Variants in TULP3 observed in about 807,000 individuals in gnomAD.
The protein encoded by TULP3 is TUB like protein 3.
In TULP3, 38 loss-of-function variants were observed where a neutral mutation model predicts 50.7. The observed-to-expected ratio is 0.75, with a 90% CI of 0.58 to 0.98. TULP3 has a LOEUF of 0.98. Ranked by LOEUF, TULP3 falls within the 50% of genes least tolerant of loss-of-function variation. TULP3 has a pLI of 0.00. For missense variants in TULP3, 550 were observed against 568.0 expected, an observed-to-expected ratio of 0.97 and a Z score of 0.32; for synonymous variants, 183 against 196.6, an observed-to-expected ratio of 0.93 and a Z score of 0.58.
intron 4 of TULP3, among the ~76,000 whole-genome samples, chr12:2,928,308 A>G (rs2153950045): frequency 6.6e-6 from 1 of 152,298 alleles, no homozygotes; most frequent in African/African-American, 2.4e-5. Flanking sequence ...AGGCGGACAG[A>G]TCACCTGAGG....
intron 1 of TULP3, among the ~76,000 whole-genome samples, chr12:2,899,302 G>A (rs1425856880): frequency 1.5e-5 from 2 of 132,130 alleles, no homozygotes; most frequent in African/African-American, 6.0e-5. Context: ...CTGAGATCAC[G>A]CCATTGCAAT....
chr12:2,933,463 A>G lies in TULP3; in HGVS notation c.742A>G (p.Asn248Asp). 1.2e-6 allele frequency: 2 copies of G among 1,614,050 alleles called. No individual in the cohort carries two copies. Among genetic ancestry groups the G allele is most frequent in the Non-Finnish European group, 1.7e-6 (2 of 1,179,980 alleles). Residue 248 changes from asparagine to aspartate, a missense_variant, in exon 7 of 11, where the codon AAC becomes GAC. By Grantham distance (23) the Asn-to-Asp change is conservative. Coordinates refer to ENST00000448120, the MANE Select transcript of TULP3 (RefSeq NM_003324.5). ...ARKRKKSKTANYLISIDPVDL... is the reference protein window; with the variant it reads ...ARKRKKSKTADYLISIDPVDL... ...AAAGCGGAAAAAGAGCAAAACAGCC[A>G]ACTACCTTATCTCCATTGATCCAGT...
At chr12:2,914,497 A>G (rs547289726) in intron 2 of TULP3, among the ~76,000 whole-genome samples, 12 of 152,310 alleles carry the variant, frequency 7.9e-5, no homozygotes, top group South Asian at 2.1e-4. Context: ...GTCTAACTGT[A>G]TGTTTGAATT....
intron 4 of TULP3, 69 bp from the exon 5 acceptor site, chr12:2,930,179 A>G: frequency 9.2e-7 from 1 of 1,084,590 alleles, no homozygotes; most frequent in East Asian, 2.6e-5. Flanking sequence ...GAAAATTAAA[A>G]CTATCTTTGT....
chr12:2,901,623 T>C (rs2098179351), intron 1 of TULP3, among the ~76,000 whole-genome samples: 1 of 152,032 alleles, frequency 6.6e-6, no homozygotes, highest in Non-Finnish European at 1.5e-5. Flanking sequence ...CCTCAAGTCA[T>C]ATGCCCGTCT....
chr12:2,905,241 A>G (rs573869876), intron 1 of TULP3, among the ~76,000 whole-genome samples: 1 of 145,206 alleles, frequency 6.9e-6, no homozygotes, highest in South Asian at 2.2e-4. Flanking sequence ...GCTGGAGTGC[A>G]GTGGCGTGAT....
intron 6 of TULP3, 47 bp from the exon 7 acceptor site, chr12:2,933,371 C>T (rs2098199298): frequency 8.3e-7 from 1 of 1,200,596 alleles, no homozygotes; most frequent in African/African-American, 1.5e-5. Context: ...AGAGGTGGGG[C>T]AGGTTCTCTG....
At chr12:2,895,258 C>T (rs2098174829) in intron 1 of TULP3, among the ~76,000 whole-genome samples, 2 of 152,192 alleles carry the variant, frequency 1.3e-5, no homozygotes, top group African/African-American at 4.8e-5. Flanking sequence ...TCCCTCTCCC[C>T]AGGCAGTTCT....
rs77805734 is a variant in TULP3 at position 2,930,428 on chromosome 12, A to G, written c.492+83A>G. 2,883 of 951,052 alleles carry G rather than the reference A, an allele frequency of 3.0e-3. 12 individuals carry two copies. Among genetic ancestry groups the G allele is most frequent in the Non-Finnish European group, 4.1e-3 (2,709 of 659,284 alleles). The allele number at this position is 951,052 out of a possible 1,614,324, so 58.9% of individuals were successfully genotyped here. On this transcript the variant is annotated intron_variant, in intron 5 of 10. Transcript: ENST00000448120. ...CTTCAGTATTTATTTATTTATTATT[A>G]TTATGTATTTTTTGAGGTGGAGTCT...
Position 2,890,894 on chromosome 12 carries a change from C to A in TULP3, c.-54C>A. The A allele has an allele frequency of 1.3e-6, 2 of 1,527,276 alleles. No homozygotes were observed. The highest frequency in any genetic ancestry group is 1.2e-5 in the South Asian group (1 of 80,984). The allele number at this position is 1,527,276 out of a possible 1,614,324, so 94.6% of individuals were successfully genotyped here. A position where few individuals can be genotyped will look rare whatever the true frequency, so the allele number is the denominator to read the frequency against. ...GCGGCGGCGTGCCAGCCTAGCCACT[C>A]TAGCGACGGCGGGGAAGAGTGTGTA... On this transcript the variant is annotated 5_prime_UTR_variant, in exon 1 of 11. Transcript: ENST00000448120.
intron 5 of TULP3, among the ~76,000 whole-genome samples, chr12:2,930,625 A>G (rs975309244): frequency 9.9e-5 from 15 of 151,924 alleles, no homozygotes; most frequent in Admixed American, 9.2e-4. Flanking sequence ...GGGTTTCACC[A>G]TGTTTGCCAG....
chr12:2,910,002 C>T (rs1436907282), intron 2 of TULP3, among the ~76,000 whole-genome samples: 2 of 152,176 alleles, frequency 1.3e-5, no homozygotes, highest in Non-Finnish European at 2.9e-5. Context: ...TTTCAAATCT[C>T]CATCGCAGGG....
rs964747814 is a variant in TULP3, at chr12:2,940,170, A to G, written c.*726A>G. 14 of 1,305,372 alleles carry G rather than the reference A, an allele frequency of 1.1e-5. 1 individual carries two copies. The highest frequency in any genetic ancestry group is 1.5e-5 in the African/African-American group (1 of 66,600). The allele number at this position is 1,305,372 out of a possible 1,614,324, so 80.9% of individuals were successfully genotyped here. On this transcript the variant is annotated 3_prime_UTR_variant, in exon 11 of 11. Transcript: ENST00000448120. ...CTCAGTCAGGACTGACAGTAATGTG[A>G]TAATTGCCTTCATTTTCAACCCAGG... is the stretch of plus-strand genomic sequence containing the variant.
At chr12:2,914,959 C>T (rs538097358) in intron 2 of TULP3, among the ~76,000 whole-genome samples, 15 of 151,042 alleles carry the variant, frequency 9.9e-5, no homozygotes, top group African/African-American at 2.7e-4. Context: ...GGTATGTGGG[C>T]ACCTTAGCAA....
At position 2,922,413 on chromosome 12, in the gene TULP3, G is replaced by C. The variant is rs778351288; in HGVS notation, c.394+11G>C. 1.9e-6 allele frequency: 3 copies of C among 1,600,598 alleles called. No individual in the cohort carries two copies. In the Admixed American group the frequency reaches 5.4e-5, roughly 29 times the overall value. ...GTCTCCAAAAGCATGGTGAGGACTG[G>C]TAATGATTTTAAGGCAATTTGTCTC... On this transcript the variant is annotated intron_variant, in intron 4 of 10. Transcript: ENST00000448120.
At chr12:2,901,798 C>A (rs947712635) in intron 1 of TULP3, among the ~76,000 whole-genome samples, 2 of 152,114 alleles carry the variant, frequency 1.3e-5, no homozygotes, top group Non-Finnish European at 2.9e-5. Flanking sequence ...GGCTTGCCTT[C>A]TAATTTTCAT....
Position 2,939,310 on chromosome 12 carries a change from G to T in TULP3, c.1196-1G>T. 1.1e-5 allele frequency: 18 copies of T among 1,613,162 alleles called. No homozygotes were observed. Among genetic ancestry groups the T allele is most frequent in the Non-Finnish European group, 1.5e-5 (18 of 1,179,804 alleles). Reference sequence around the variant, plus strand: ...ACATGTTGATTTCTTTCTGTTTCTAGCTGATTATATAGTCATGCAGTTTGG... The same window carrying T: ...ACATGTTGATTTCTTTCTGTTTCTATCTGATTATATAGTCATGCAGTTTGG... On this transcript the variant is annotated splice_acceptor_variant, in intron 10 of 10. Transcript: ENST00000448120. LOFTEE classifies it high-confidence loss of function. This position sits in a 1 kb window ranked among gnomAD's most constrained non-coding sequence, Gnocchi z 4.0.
chr12:2,921,211 T>C (rs976184136), intron 3 of TULP3, among the ~76,000 whole-genome samples: 7 of 152,142 alleles, frequency 4.6e-5, no homozygotes, highest in African/African-American at 1.7e-4. Flanking sequence ...CGATCTTGGC[T>C]CACTGCCAAC....
chr12:2,900,092 G>A (rs373633497), intron 1 of TULP3, among the ~76,000 whole-genome samples: 3 of 151,228 alleles, frequency 2.0e-5, no homozygotes, highest in African/African-American at 7.3e-5. Context: ...AGGCGTGGTC[G>A]CACTCCTGTG....
Sources: allele counts gnomAD v4.1 joint callset (sites outside exome capture counted in the v4.1 genomes callset), GRCh38; gene constraint gnomAD v4.1.1; non-coding constraint Gnocchi (gnomAD v3.1); transcripts MANE v1.5; gene names NCBI Gene and HGNC (gene_info 2026-07-23, HGNC 2026-07-21).